ITGB3: variants seen among roughly 807,000 people sequenced by gnomAD.
ITGB3 encodes integrin subunit beta 3.
A neutral mutation model predicts 85.8 loss-of-function variants in ITGB3; 48 were observed. That is an observed-to-expected ratio of 0.56 (90% CI 0.44 to 0.71). The LOEUF (loss-of-function observed/expected upper bound fraction) is 0.71. ITGB3 is among the 30% of genes least tolerant of loss of function. The pLI is 0.00. For missense variants in ITGB3, 861 were observed against 1,019.1 expected, an observed-to-expected ratio of 0.84 and a Z score of 2.11; for synonymous variants, 363 against 395.6, an observed-to-expected ratio of 0.92 and a Z score of 0.98.
chr17:47,287,000 G>A (rs2065104983), intron 5 of ITGB3, 70 bp from the exon 6 acceptor site: 1 of 1,556,954 alleles, frequency 6.4e-7, no homozygotes, highest in Non-Finnish European at 8.8e-7. Flanking sequence ...TTGGGTCTCT[G>A]TTCTCTACCA....
intron 9 of ITGB3, chr17:47,291,571 AG>A (rs1477520821): frequency 1.5e-5 from 4 of 268,538 alleles, no homozygotes; most frequent in Non-Finnish European, 2.8e-5. Flanking sequence ...GAGGGGAGGA[AG>A]GAGGGGAAGA....
chr17:47,270,746 A>G (rs2065041473), intron 1 of ITGB3, among the ~76,000 whole-genome samples: 1 of 152,210 alleles, frequency 6.6e-6, no homozygotes, highest in Admixed American at 6.5e-5. Context: ...TCCCACTTGT[A>G]GAATTTTAAA....
intron 10 of ITGB3, among the ~76,000 whole-genome samples, chr17:47,293,112 C>A (rs372463382): frequency 6.6e-6 from 1 of 152,204 alleles, no homozygotes; most frequent in Non-Finnish European, 1.5e-5. Context: ...CCACATGTAG[C>A]TAGTGGCTGC....
At chr17:47,300,346 C>CGCGCGCGTGT in intron 11 of ITGB3, 132 bp from the exon 12 acceptor site, 1 of 619,016 alleles carries the variant, frequency 1.6e-6, no homozygotes, top group African/African-American at 1.9e-5. Context: ...CGCGCGCGCG[C>CGCGCGCGTGT]GTGTGTGTGT....
chr17:47,312,621 T>A lies in ITGB3; in HGVS notation c.*2417T>A, dbSNP rs1363334163. Among the ~76,000 whole-genome samples the A allele has an allele frequency of 6.6e-6, 1 of 152,202 alleles. No homozygotes were observed. The highest frequency in any genetic ancestry group is 1.5e-5 in the Non-Finnish European group (1 of 68,034). On this transcript the variant is annotated 3_prime_UTR_variant, in exon 15 of 15. Transcript: ENST00000559488. ...AGATGTTTTATATGAAGAAACTGTA[T>A]CAAAGGGGGAAGAAAATGTATTTAA...
intron 4 of ITGB3, 89 bp from the exon 5 acceptor site, chr17:47,286,167 ACTAT>A (rs1171797499): frequency 3.2e-5 from 45 of 1,419,058 alleles, no homozygotes; most frequent in Non-Finnish European, 4.3e-5. Flanking sequence ...TTGGCATACC[ACTAT>A]CTATATTTGT....
At chr17:47,262,081 A>G (rs2065010373) in intron 1 of ITGB3, among the ~76,000 whole-genome samples, 1 of 152,226 alleles carries the variant, frequency 6.6e-6, no homozygotes, top group Non-Finnish European at 1.5e-5. Flanking sequence ...AATTTCTTGA[A>G]TGAAAGTTGG....
chr17:47,271,007 G>T (rs1391446828), intron 1 of ITGB3, among the ~76,000 whole-genome samples: 2 of 152,126 alleles, frequency 1.3e-5, no homozygotes, highest in East Asian at 3.8e-4. Context: ...CTTTCATTTT[G>T]CCCCAGTGCA....
At chr17:47,298,856 A>T (rs1335878427) in intron 10 of ITGB3, among the ~76,000 whole-genome samples, 1 of 152,154 alleles carries the variant, frequency 6.6e-6, no homozygotes, top group Non-Finnish European at 1.5e-5. Flanking sequence ...TCATCAAGTC[A>T]CACCGTCAAG....
chr17:47,268,165 C>T (rs1405506106), intron 1 of ITGB3, among the ~76,000 whole-genome samples: 1 of 152,130 alleles, frequency 6.6e-6, no homozygotes, highest in Admixed American at 6.5e-5. Flanking sequence ...CCCATCAGGT[C>T]CCTCCCACAA....
intron 1 of ITGB3, 24 bp downstream of exon 1, chr17:47,253,964 G>C: frequency 7.3e-7 from 1 of 1,378,936 alleles, no homozygotes. Context: ...CGGCTCGGCA[G>C]CGTCGCAGCT....
intron 1 of ITGB3, among the ~76,000 whole-genome samples, chr17:47,266,661 T>C (rs1345249138): frequency 2.6e-5 from 4 of 152,158 alleles, no homozygotes; most frequent in Non-Finnish European, 4.4e-5. Flanking sequence ...CACTGCAGCC[T>C]CAACCTCCCA....
intron 1 of ITGB3, among the ~76,000 whole-genome samples, chr17:47,255,702 G>GA (rs1490272292): frequency 6.6e-6 from 1 of 152,196 alleles, no homozygotes; most frequent in African/African-American, 2.4e-5. Context: ...TTACAGGCGT[G>GA]AGCCACCGCA....
chr17:47,282,520 G>A (rs901655106), intron 2 of ITGB3, among the ~76,000 whole-genome samples: 5 of 152,204 alleles, frequency 3.3e-5, no homozygotes, highest in African/African-American at 1.2e-4. Context: ...GGAGGAATTA[G>A]GTGACTTGCC....
At chr17:47,282,048 A>T (rs11868912) in intron 2 of ITGB3, among the ~76,000 whole-genome samples, 17,076 of 152,098 alleles carry the variant, frequency 0.11, 1,217 homozygotes, top group East Asian at 0.24. Flanking sequence ...TCCCAGGTTT[A>T]AGCGATTCTC....
At position 47,291,063 on chromosome 17, in the gene ITGB3, G is replaced by T. The variant is rs2065123516; in HGVS notation, c.1235G>T (p.Cys412Phe). ...NNEVIPGLKSCMGLKIGDTVS... is the reference protein window; with the variant it reads ...NNEVIPGLKSFMGLKIGDTVS... ...GAGGTCATCCCTGGCCTCAAGTCTT[G>T]TATGGGACTCAAGATTGGAGACACG... is the stretch of plus-strand genomic sequence containing the variant. The change falls in exon 9 of 15, where the codon TGT (cysteine) becomes TTT (phenylalanine). Residue 412 changes from cysteine to phenylalanine, a missense_variant. Physicochemically the swap from Cys to Phe is radical, Grantham distance 205. Coordinates refer to ENST00000559488, the MANE Select transcript of ITGB3 (RefSeq NM_000212.3). The T allele has an allele frequency of 6.2e-7, 1 of 1,614,048 alleles. No homozygotes were observed. The highest frequency in any genetic ancestry group is 8.5e-7 in the Non-Finnish European group (1 of 1,180,056).
chr17:47,287,152 G>T lies in ITGB3; in HGVS notation c.860G>T (p.Arg287Met). ...AAGACTCATATAGCATTGGACGGAA[G>T]GCTGGCAGGCATTGTCCAGCCTAAT... ...DAKTHIALDG[R>M]LAGIVQPNDG... Residue 287 changes from arginine to methionine, a missense_variant, in exon 6 of 15, where the codon AGG becomes ATG. Transcript: ENST00000559488. 2 of 1,614,040 alleles carry T rather than the reference G, an allele frequency of 1.2e-6. No homozygotes were observed. The highest frequency in any genetic ancestry group is 1.7e-6 in the Non-Finnish European group (2 of 1,179,918).
rs1347924966 is a variant in ITGB3 at position 47,284,591 on chromosome 17, G to A, written c.510G>A (p.Lys170=). 6.2e-7 allele frequency: 1 copy of A among 1,614,132 alleles called. No homozygotes were observed. The highest frequency in any genetic ancestry group is 8.5e-7 in the Non-Finnish European group (1 of 1,180,026). Residue 170 remains lysine (K), a synonymous_variant, in exon 4 of 15, where the codon AAG becomes AAA. Coordinates refer to ENST00000559488, the MANE Select transcript of ITGB3 (RefSeq NM_000212.3). ...LGTKLATQMR[K]LTSNLRIGFG... ...CCAAGCTGGCCACCCAGATGCGAAA[G>A]CTCACCAGTAACCTGCGGATTGGCT...
intron 2 of ITGB3, among the ~76,000 whole-genome samples, chr17:47,277,612 A>G (rs560487971): frequency 6.6e-6 from 1 of 152,332 alleles, no homozygotes; most frequent in East Asian, 1.9e-4. Context: ...AGATTACAGA[A>G]CATCCACTTA....
Sources: gnomAD v4.1 joint callset for allele counts (sites outside exome capture counted in the v4.1 genomes callset) on GRCh38, gnomAD v4.1.1 for gene constraint, MANE v1.5 for transcripts, NCBI Gene and HGNC (gene_info 2026-07-23, HGNC 2026-07-21) for gene names.